Variants in ATOSA observed in about 807,000 individuals in gnomAD.
ATOSA encodes the protein atos homolog protein A.
At chr15:52,617,412 A>C in the ATOSA span, among the ~76,000 whole-genome samples, 2 of 152,202 alleles carry the variant, frequency 1.3e-5, no homozygotes, top group African/African-American at 4.8e-5. Flanking sequence ...GAACTGTGAG[A>C]AAATAAATTT....
At chr15:52,587,716 T>C in the ATOSA span, 1 of 152,456 alleles carries the variant, frequency 6.6e-6, no homozygotes, top group Non-Finnish European at 1.5e-5. Context: ...GAAAAGCAAT[T>C]TGGAAGTCTG....
the ATOSA span, chr15:52,609,383 G>T: frequency 1.9e-6 from 3 of 1,613,760 alleles, no homozygotes; most frequent in African/African-American, 2.7e-5. Context: ...CTGGAGTCAT[G>T]CATGTTGAAT....
the ATOSA span, among the ~76,000 whole-genome samples, chr15:52,677,064 A>G: frequency 1.3e-5 from 2 of 152,218 alleles, no homozygotes; most frequent in African/African-American, 4.8e-5. Context: ...ATTTCAATAG[A>G]CCTATTTTAC....
chr15:52,684,824 G>T, the ATOSA span, among the ~76,000 whole-genome samples: 1 of 152,044 alleles, frequency 6.6e-6, no homozygotes, highest in South Asian at 2.1e-4. Flanking sequence ...CAACCCTCCT[G>T]CCTTGGCCCC....
At chr15:52,649,641 T>C in the ATOSA span, 1 of 152,052 alleles carries the variant, frequency 6.6e-6, no homozygotes, top group East Asian at 1.9e-4. Context: ...TATTTTTCCA[T>C]AAGCACAAAA....
At chr15:52,650,064 A>G in the ATOSA span, among the ~76,000 whole-genome samples, 1 of 152,230 alleles carries the variant, frequency 6.6e-6, no homozygotes, top group Non-Finnish European at 1.5e-5. Context: ...AATTTAAACA[A>G]AACTTTGGTT....
At chr15:52,633,092 A>C in the ATOSA span, among the ~76,000 whole-genome samples, 26 of 152,330 alleles carry the variant, frequency 1.7e-4, no homozygotes, top group East Asian at 4.2e-3. Flanking sequence ...GATATGTATT[A>C]GGGGAGAAGG....
chr15:52,594,002 C>A, the ATOSA span, among the ~76,000 whole-genome samples: 736 of 152,322 alleles, frequency 4.8e-3, 9 homozygotes, highest in African/African-American at 0.017. Context: ...CCAACTCACA[C>A]TGAACTCTCC....
At chr15:52,664,644 CAAG>C in the ATOSA span, among the ~76,000 whole-genome samples, 1 of 152,166 alleles carries the variant, frequency 6.6e-6, no homozygotes, top group Non-Finnish European at 1.5e-5. Flanking sequence ...AAAGTCAAAT[CAAG>C]AATACCATCT....
chr15:52,611,160 T>C, the ATOSA span: 12 of 1,613,852 alleles, frequency 7.4e-6, no homozygotes, highest in Non-Finnish European at 1.0e-5. Flanking sequence ...AATAGCACCA[T>C]GAGAAACACT....
At chr15:52,635,932 G>T in the ATOSA span, among the ~76,000 whole-genome samples, 2 of 151,290 alleles carry the variant, frequency 1.3e-5, no homozygotes, top group African/African-American at 4.9e-5. Flanking sequence ...GGGGGCAGGG[G>T]AGGTTGCATT....
the ATOSA span, among the ~76,000 whole-genome samples, chr15:52,693,888 A>T: frequency 6.6e-6 from 1 of 152,208 alleles, no homozygotes; most frequent in Non-Finnish European, 1.5e-5. Context: ...ATACTTATGT[A>T]GAAGACAATA....
the ATOSA span, among the ~76,000 whole-genome samples, chr15:52,683,593 T>A: frequency 6.6e-6 from 1 of 152,230 alleles, no homozygotes; most frequent in African/African-American, 2.4e-5. Context: ...ACTTAAGTCA[T>A]AAGCACTATT....
At chr15:52,649,725 A>G in the ATOSA span, 2 of 152,196 alleles carry the variant, frequency 1.3e-5, no homozygotes, top group African/African-American at 2.4e-5. Context: ...ACAAATCCAA[A>G]AAACTGAAAT....
At chr15:52,610,461 A>G in the ATOSA span, 1 of 1,437,126 alleles carries the variant, frequency 7.0e-7, no homozygotes, top group Non-Finnish European at 9.3e-7. Context: ...TTTTAAATGT[A>G]AAGCAGTCAT....
chr15:52,617,497 CTT>C, the ATOSA span, among the ~76,000 whole-genome samples: 24 of 152,078 alleles, frequency 1.6e-4, no homozygotes, highest in Non-Finnish European at 2.9e-5. Flanking sequence ...GAAAATAAAA[CTT>C]TCCAAAAATG....
the ATOSA span, among the ~76,000 whole-genome samples, chr15:52,660,645 A>G: frequency 6.6e-6 from 1 of 152,104 alleles, no homozygotes; most frequent in Non-Finnish European, 1.5e-5. Flanking sequence ...ATTCAGAATC[A>G]AATACTATTT....
the ATOSA span, among the ~76,000 whole-genome samples, chr15:52,664,327 G>T: frequency 6.6e-6 from 1 of 152,176 alleles, no homozygotes; most frequent in Non-Finnish European, 1.5e-5. Context: ...GTTGGAAAAA[G>T]GAGATTTAGG....
At chr15:52,625,701 T>TA in the ATOSA span, among the ~76,000 whole-genome samples, 86,095 of 151,920 alleles carry the variant, frequency 0.57, 28,488 homozygotes, top group Non-Finnish European at 0.74. Context: ...GGTGCCATCT[T>TA]AAAAAAAAGT....
Sources: gnomAD v4.1 joint callset for allele counts (sites outside exome capture counted in the v4.1 genomes callset) on GRCh38, gnomAD v4.1.1 for gene constraint, MANE v1.5 for transcripts, NCBI Gene and HGNC (gene_info 2026-07-23, HGNC 2026-07-21) for gene names.